Variants in INTS6L observed in about 807,000 individuals in gnomAD.
INTS6L encodes integrator complex subunit 6 like.
In INTS6L, 18 loss-of-function variants were observed where a neutral mutation model predicts 64.7. That is an observed-to-expected ratio of 0.28 (90% confidence interval 0.19 to 0.41). INTS6L has a LOEUF of 0.41. Among genes scored for constraint, INTS6L ranks in the 10% least tolerant of loss-of-function variants. The pLI is 1.00. For missense variants in INTS6L, 533 were observed against 661.0 expected, an observed-to-expected ratio of 0.81 and a Z score of 2.12; for synonymous variants, 227 against 235.9, an observed-to-expected ratio of 0.96 and a Z score of 0.34.
rs782454925 is a variant in INTS6L at position 135,521,108 on chromosome X, A to AGGGAG, written c.111+16_111+20dup. On this transcript the variant is annotated splice_donor_region_variant and intron_variant, in intron 1 of 17. Transcript: ENST00000639893. ...GCTGTGGAGTTATTCTTGAAGGTAA[A>AGGGAG]GGGAGGGGAGGGGAGAGATGGGGAG... 4 of 1,204,374 alleles carry AGGGAG rather than the reference A, an allele frequency of 3.3e-6. No individual in the cohort carries two copies. The highest frequency in any genetic ancestry group is 4.5e-6 in the Non-Finnish European group (4 of 890,019).
chrX:135,521,767 C>CG (rs2148544583), intron 2 of INTS6L, among the ~76,000 whole-genome samples: 1 of 59,066 alleles, frequency 1.7e-5, no homozygotes, highest in East Asian at 5.9e-4. Context: ...CGCGGGGGGC[C>CG]GGACGGAGCC....
intron 9 of INTS6L, among the ~76,000 whole-genome samples, chrX:135,564,367 C>T (rs192203889): frequency 2.5e-3 from 271 of 109,888 alleles, no homozygotes; most frequent in Non-Finnish European, 4.0e-3. Flanking sequence ...TTATGATGGC[C>T]GCTTTAAATT....
chrX:135,573,398 C>T (rs1293962803), intron 12 of INTS6L, among the ~76,000 whole-genome samples: 1 of 112,616 alleles, frequency 8.9e-6, no homozygotes, highest in Non-Finnish European at 1.9e-5. Context: ...GGACCTCTAG[C>T]ACCAAGATTT....
At chrX:135,544,306 C>A (rs1370490566) in intron 2 of INTS6L, among the ~76,000 whole-genome samples, 3 of 112,228 alleles carry the variant, frequency 2.7e-5, no homozygotes, top group Non-Finnish European at 3.8e-5. Context: ...TCTTACTTCC[C>A]AGTCATTCTA....
chrX:135,525,753 A>G (rs1410477662), intron 2 of INTS6L, among the ~76,000 whole-genome samples: 10 of 112,457 alleles, frequency 8.9e-5, no homozygotes, highest in African/African-American at 3.2e-4. Context: ...GGAGCCTTTC[A>G]TTGTGGTTAA....
rs1407304308 is a variant in INTS6L, at chrX:135,537,977, T to G, written c.190-7446T>G. Among the ~76,000 whole-genome samples the G allele has an allele frequency of 2.7e-5, 3 of 112,712 alleles. No homozygotes were observed. In the East Asian group the frequency reaches 8.3e-4, roughly 31 times the overall value. ...AATGATCAACTGAGCTTTCAGCCAG[T>G]CATAATCTTTTTGCTGGTGGACAGT... On this transcript the variant is annotated intron_variant, in intron 2 of 17. Transcript: ENST00000639893.
Position 135,531,320 on chromosome X carries a change from G to A in INTS6L, c.189+10002G>A, listed in dbSNP as rs140815349. ...TTGGGGAGTGTATCCTGCTTCATTC[G>A]TGGTTCCAAATATTCCGACACACAC... On this transcript the variant is annotated intron_variant, in intron 2 of 17. Coordinates refer to ENST00000639893, the MANE Select transcript of INTS6L (RefSeq NM_001351601.3). Among the ~76,000 whole-genome samples, 74 of 111,357 alleles carry A rather than the reference G, an allele frequency of 6.6e-4. 2 individuals carry two copies. In the East Asian group the frequency reaches 0.019, roughly 29 times the overall value.
chrX:135,550,732 T>C lies in INTS6L; in HGVS notation c.906+927T>C, dbSNP rs187582860. ...CAGAAGTGGCCATGAAAGACCTGAA[T>C]GTAAGACTGAAGAGCCCTTTTGGCC... On this transcript the variant is annotated intron_variant, in intron 7 of 17. Transcript: ENST00000639893. Among the ~76,000 whole-genome samples the C allele has an allele frequency of 1.3e-4, 14 of 111,918 alleles. 1 individual carries two copies. The Admixed American group carries it at 1.3e-3, about 11-fold the overall frequency.
intron 2 of INTS6L, among the ~76,000 whole-genome samples, chrX:135,540,853 C>T (rs1246716872): frequency 3.6e-5 from 4 of 109,900 alleles, no homozygotes; most frequent in Admixed American, 9.7e-5. Context: ...TGGCACACTG[C>T]GGCCTCCACC....
chrX:135,527,627 G>T (rs1556501969), intron 2 of INTS6L, among the ~76,000 whole-genome samples: 1 of 112,202 alleles, frequency 8.9e-6, no homozygotes, highest in African/African-American at 3.2e-5. Flanking sequence ...GCTAGATTTT[G>T]TACATTTCTT....
At position 135,581,692 on chromosome X, in the gene INTS6L, G is replaced by T; in HGVS notation, c.*56G>T. 9.8e-7 allele frequency: 1 copy of T among 1,019,497 alleles called. No homozygotes were observed. The highest frequency in any genetic ancestry group is 2.0e-5 in the South Asian group (1 of 49,010). 84.0% of individuals were successfully genotyped at this position (1,019,497 alleles called of 1,213,427 possible). A position where few individuals can be genotyped will look rare whatever the true frequency, so the allele number is the denominator to read the frequency against. ...TTTTCTGTGCTGTAGGATGGAACAG[G>T]ATATTGTTGAAGCCTCCTGGAATGT... On this transcript the variant is annotated 3_prime_UTR_variant, in exon 18 of 18. Coordinates refer to ENST00000639893, the MANE Select transcript of INTS6L (RefSeq NM_001351601.3).
intron 2 of INTS6L, among the ~76,000 whole-genome samples, chrX:135,532,153 C>T (rs781833454): frequency 8.9e-6 from 1 of 112,048 alleles, no homozygotes; most frequent in South Asian, 3.7e-4. Flanking sequence ...GCCAGTCCCT[C>T]TTTGAATTTT....
intron 17 of INTS6L, 100 bp from the exon 18 acceptor site, chrX:135,581,428 T>TA: frequency 1.6e-6 from 1 of 626,266 alleles, no homozygotes; most frequent in East Asian, 3.4e-5. Context: ...TTTATATTCC[T>TA]ATGTAGATTG....
chrX:135,581,582 T>A lies in INTS6L; in HGVS notation c.2643T>A (p.Asn881Lys). Residue 881 changes from asparagine (N) to lysine (K), a missense_variant, in exon 18 of 18, where the codon AAT becomes AAA. Transcript: ENST00000639893. ...TTGAGAAGGTACTAGAAAAAATAAA[T>A]TCCCACCACCTTCACAACAACATTA... Reference protein sequence around the residue: ...QYLEKVLEKINSHHLHNNISH... With the variant: ...QYLEKVLEKIKSHHLHNNISH... 8.3e-7 allele frequency: 1 copy of A among 1,210,828 alleles called. No homozygotes were observed. Among genetic ancestry groups the A allele is most frequent in the Non-Finnish European group, 1.1e-6 (1 of 894,991 alleles).
At chrX:135,570,190 C>T (rs1314441813) in intron 10 of INTS6L, 2 of 253,678 alleles carry the variant, frequency 7.9e-6, no homozygotes, top group African/African-American at 5.6e-5. Flanking sequence ...AGATTGAACG[C>T]AATTTACTTG....
intron 8 of INTS6L, among the ~76,000 whole-genome samples, chrX:135,554,691 G>GT (rs2086595105): frequency 9.1e-6 from 1 of 109,986 alleles, no homozygotes; most frequent in South Asian, 3.9e-4. Context: ...TATATTGGTG[G>GT]TTTGGACCAA....
At chrX:135,575,651 C>T (rs2087204195) in intron 14 of INTS6L, among the ~76,000 whole-genome samples, 1 of 112,174 alleles carries the variant, frequency 8.9e-6, no homozygotes. Context: ...ATCGAAATCA[C>T]AGTTTATTTC....
intron 11 of INTS6L, chrX:135,571,733 A>T (rs1467176542): frequency 9.0e-6 from 1 of 111,002 alleles, no homozygotes; most frequent in African/African-American, 3.3e-5. Flanking sequence ...ATTTTTTTTA[A>T]TTTGATGTTT....
chrX:135,532,919 A>T (rs923355797), intron 2 of INTS6L, among the ~76,000 whole-genome samples: 20 of 109,853 alleles, frequency 1.8e-4, no homozygotes, highest in East Asian at 5.7e-4. Flanking sequence ...AAAAATAATT[A>T]AAAAAAAATT....
Sources: allele counts gnomAD v4.1 joint callset (sites outside exome capture counted in the v4.1 genomes callset), GRCh38; gene constraint gnomAD v4.1.1; transcripts MANE v1.5; gene names NCBI Gene and HGNC (gene_info 2026-07-23, HGNC 2026-07-21).